Variants in VAV1 observed in about 807,000 individuals in gnomAD.
VAV1 encodes vav guanine nucleotide exchange factor 1.
In VAV1, 33 loss-of-function variants were observed where a neutral mutation model predicts 128.1. That is an observed-to-expected ratio of 0.26 (90% CI 0.20 to 0.34). The LOEUF is 0.34. VAV1 is among the 10% of genes least tolerant of loss of function. The pLI is 1.00. For synonymous variants in VAV1, 394 were observed against 409.8 expected, an observed-to-expected ratio of 0.96 and a Z score of 0.47; for missense variants, 715 against 1,093.7, an observed-to-expected ratio of 0.65 and a Z score of 4.88.
rs570959943 is a variant in VAV1, at chr19:6,812,090, C to G, written c.205-8612C>G. Among the ~76,000 whole-genome samples the G allele has an allele frequency of 2.0e-5, 3 of 152,308 alleles. No individual in the cohort carries two copies. The East Asian group carries it at 5.8e-4, about 29-fold the overall frequency. On this transcript the variant is annotated intron_variant, in intron 1 of 26. Coordinates refer to ENST00000602142, the MANE Select transcript of VAV1 (RefSeq NM_005428.4). Reference sequence around the variant, plus strand: ...CCAGAAGCAGTCACATGACTGCATCCACATGCAAGGAGAGATGGGAAATGC... The same window carrying G: ...CCAGAAGCAGTCACATGACTGCATCGACATGCAAGGAGAGATGGGAAATGC...
chr19:6,857,281 A>AT lies in VAV1; in HGVS notation c.*175dup. 2 of 770,346 alleles carry AT rather than the reference A, an allele frequency of 2.6e-6. No individual in the cohort carries two copies. The highest frequency in any genetic ancestry group is 4.1e-6 in the Non-Finnish European group (2 of 493,300). 47.7% of individuals were successfully genotyped at this position (770,346 alleles called of 1,614,324 possible). ...GGATGTGCCCTGACATGGTTAATTT[A>AT]TAACACCCCGATTTCCTCTTGGGTC... is the stretch of plus-strand genomic sequence containing the variant. On this transcript the variant is annotated 3_prime_UTR_variant, in exon 27 of 27. Transcript: ENST00000602142.
chr19:6,852,928 C>G (rs753043052), intron 24 of VAV1, 37 bp from the exon 25 acceptor site: 1 of 1,575,930 alleles, frequency 6.3e-7, no homozygotes, highest in East Asian at 2.3e-5. Flanking sequence ...TGGGCTGGCC[C>G]GCTGGGATAG....
intron 23 of VAV1, among the ~76,000 whole-genome samples, chr19:6,848,659 T>A (rs1425104719): frequency 6.6e-6 from 1 of 152,096 alleles, no homozygotes; most frequent in Non-Finnish European, 1.5e-5. Flanking sequence ...CGCCTCGGCC[T>A]CCCAAAGTGT....
At chr19:6,853,329 G>C (rs556111803) in intron 25 of VAV1, among the ~76,000 whole-genome samples, 1 of 151,138 alleles carries the variant, frequency 6.6e-6, no homozygotes, top group African/African-American at 2.4e-5. Flanking sequence ...GCAGTGGTGC[G>C]ATCTTAGCTC....
At chr19:6,850,225 G>GTTTTTTTTTTTTTTT (rs760967154) in intron 23 of VAV1, among the ~76,000 whole-genome samples, 18 of 49,040 alleles carry the variant, frequency 3.7e-4, no homozygotes, top group African/African-American at 9.1e-4. Context: ...TTGTTTCTTT[G>GTTTTTTTTTTTTTTT]TTTTTTTTTT....
intron 1 of VAV1, among the ~76,000 whole-genome samples, chr19:6,781,260 G>A (rs1278090991): frequency 6.6e-6 from 1 of 152,160 alleles, no homozygotes; most frequent in East Asian, 1.9e-4. Flanking sequence ...CAACCGAAGT[G>A]CTAGCCAATC....
chr19:6,839,236 T>G (rs1972308865), intron 21 of VAV1, among the ~76,000 whole-genome samples: 1 of 150,442 alleles, frequency 6.6e-6, no homozygotes, highest in Admixed American at 6.6e-5. Flanking sequence ...TTTTTTTTTT[T>G]AGAGATAGGG....
chr19:6,789,858 C>T (rs535267342), intron 1 of VAV1, among the ~76,000 whole-genome samples: 2 of 152,158 alleles, frequency 1.3e-5, no homozygotes, highest in Non-Finnish European at 2.9e-5. Flanking sequence ...CTTGGCCTCC[C>T]AAAGTGCTGG....
At chr19:6,802,641 G>A (rs1352231634) in intron 1 of VAV1, among the ~76,000 whole-genome samples, 1 of 152,110 alleles carries the variant, frequency 6.6e-6, no homozygotes, top group African/African-American at 2.4e-5. Context: ...TATTGTCTCT[G>A]GTGATCTGCC....
At chr19:6,824,321 G>A (rs149015516) in intron 6 of VAV1, among the ~76,000 whole-genome samples, 1,609 of 151,738 alleles carry the variant, frequency 0.011, 10 homozygotes, top group Non-Finnish European at 0.017. Flanking sequence ...ATCTTCCCCC[G>A]GTCCATGGCA....
At chr19:6,823,222 C>T (rs186792823) in intron 6 of VAV1, among the ~76,000 whole-genome samples, 213 of 150,038 alleles carry the variant, frequency 1.4e-3, no homozygotes, top group South Asian at 2.1e-3. Context: ...GCCTACCGGG[C>T]TCAAGCAATC....
intron 1 of VAV1, among the ~76,000 whole-genome samples, chr19:6,794,403 G>A (rs1309613786): frequency 6.6e-6 from 1 of 152,180 alleles, no homozygotes; most frequent in Non-Finnish European, 1.5e-5. Context: ...ATTCTGGGAG[G>A]CTGAGGCAGG....
In VAV1 at chr19:6,836,573, A is replaced by G; in HGVS notation, c.1914+5A>G. On this transcript the variant is annotated splice_donor_5th_base_variant and intron_variant, in intron 20 of 26. Transcript: ENST00000602142. Reference sequence around the variant, plus strand: ...GCTGAACAGAACTGGTGGGAGGTACAGGCTGGGGCCACAAGAGTGATGGGG... The same window carrying G: ...GCTGAACAGAACTGGTGGGAGGTACGGGCTGGGGCCACAAGAGTGATGGGG... The G allele has an allele frequency of 6.2e-7, 1 of 1,613,918 alleles. No homozygotes were observed. Among genetic ancestry groups the G allele is most frequent in the Middle Eastern group, 1.7e-4 (1 of 6,058 alleles).
At chr19:6,843,035 C>G in intron 21 of VAV1, 100 bp from the exon 22 acceptor site, 1 of 1,322,196 alleles carries the variant, frequency 7.6e-7, no homozygotes, top group East Asian at 2.3e-5. Context: ...TCACTAAATG[C>G]AAGTGGAATG....
Position 6,828,376 on chromosome 19 carries a change from A to C in VAV1, c.1024-43A>C. 6.2e-7 allele frequency: 1 copy of C among 1,607,116 alleles called. No individual in the cohort carries two copies. On this transcript the variant is annotated intron_variant, in intron 10 of 26. Transcript: ENST00000602142. The surrounding 1 kb of genome is among the most constrained non-coding windows in gnomAD (Gnocchi z 4.5). ...TTGGAAGGCCCTCCCCGCAGGGAGA[A>C]GGGGAGGGGCCCAGGTGACGTCTGA...
At chr19:6,855,265 G>A (rs932914787) in intron 26 of VAV1, among the ~76,000 whole-genome samples, 3 of 152,156 alleles carry the variant, frequency 2.0e-5, no homozygotes, top group East Asian at 1.9e-4. Context: ...TAATTGCATC[G>A]ATGAGGAGTT....
At chr19:6,840,695 C>T (rs554212460) in intron 21 of VAV1, among the ~76,000 whole-genome samples, 1 of 151,204 alleles carries the variant, frequency 6.6e-6, no homozygotes. Flanking sequence ...GACTCGACCC[C>T]CTAAGCTTAA....
At chr19:6,821,722 T>G (rs781150372) in intron 3 of VAV1, 42 bp downstream of exon 3, 1 of 1,613,550 alleles carries the variant, frequency 6.2e-7, no homozygotes, top group Non-Finnish European at 8.5e-7. Flanking sequence ...GCCCCAGTCC[T>G]CCCCCTCCCT....
intron 21 of VAV1, among the ~76,000 whole-genome samples, chr19:6,842,732 G>A (rs117707445): frequency 0.01 from 1,578 of 152,202 alleles, 18 homozygotes; most frequent in Non-Finnish European, 0.013. Context: ...CACTTGGGAG[G>A]CTGAGGTGAG....
Sources: gnomAD v4.1 joint callset for allele counts (sites outside exome capture counted in the v4.1 genomes callset) on GRCh38, gnomAD v4.1.1 for gene constraint, Gnocchi (gnomAD v3.1) non-coding constraint, MANE v1.5 for transcripts, NCBI Gene and HGNC (gene_info 2026-07-23, HGNC 2026-07-21) for gene names.